The following EIF2B3 variants were observed in gnomAD, a reference collection of about 807,000 sequenced individuals.
EIF2B3 encodes eukaryotic translation initiation factor 2B subunit gamma.
In EIF2B3, 20 loss-of-function variants were observed where a neutral mutation model predicts 54.1. That is an observed-to-expected ratio of 0.37 (90% CI 0.26 to 0.54). The LOEUF (loss-of-function observed/expected upper bound fraction) is 0.54, where lower values mean the gene tolerates loss of function less well. Ranked by LOEUF, EIF2B3 falls within the 20% of genes least tolerant of loss-of-function variation. The pLI, the probability that EIF2B3 is intolerant of heterozygous loss-of-function variation, is 0.86. For synonymous variants in EIF2B3, 153 were observed against 188.1 expected, an observed-to-expected ratio of 0.81 and a Z score of 1.52; for missense variants, 448 against 547.8, an observed-to-expected ratio of 0.82 and a Z score of 1.82.
At chr1:44,983,951 A>C (rs1644541654) in intron 1 of EIF2B3, among the ~76,000 whole-genome samples, 2 of 151,806 alleles carry the variant, frequency 1.3e-5, no homozygotes, top group Non-Finnish European at 2.9e-5. Context: ...TAGGTGATCC[A>C]CCTGCCTTGG....
chr1:44,863,000 T>C (rs1654660619), intron 10 of EIF2B3: 1 of 152,228 alleles, frequency 6.6e-6, no homozygotes, highest in Non-Finnish European at 1.5e-5. Context: ...TTAGGCAATG[T>C]GCACAGGCCT....
Position 44,857,816 on chromosome 1 carries a change from C to T in EIF2B3, c.1203-9G>A, listed in dbSNP as rs563359395. The T allele has an allele frequency of 4.6e-5, 75 of 1,613,744 alleles. No individual in the cohort carries two copies. The highest frequency in any genetic ancestry group is 1.7e-4 in the Middle Eastern group (1 of 6,056). ...TGCCTTGGATATTGCTTCTGTAACA[C>T]AGTAGCCAAGTTAGGGAGGACCCAA... On this transcript the variant is annotated splice_polypyrimidine_tract_variant and intron_variant, in intron 10 of 11. Coordinates refer to ENST00000360403, the MANE Select transcript of EIF2B3 (RefSeq NM_020365.5).
At chr1:44,941,758 C>G in intron 3 of EIF2B3, 93 bp from the exon 4 acceptor site, 1 of 1,389,378 alleles carries the variant, frequency 7.2e-7, no homozygotes, top group Non-Finnish European at 1.0e-6. Flanking sequence ...TAAAACCACA[C>G]AAATCAGACA....
intron 5 of EIF2B3, among the ~76,000 whole-genome samples, chr1:44,900,938 A>G (rs1460517577): frequency 6.6e-6 from 1 of 151,912 alleles, no homozygotes; most frequent in Non-Finnish European, 1.5e-5. Flanking sequence ...TTGAGTTGGA[A>G]GAGTTCTTAT....
At chr1:44,852,115 ATTTTT>A (rs34314171) in intron 11 of EIF2B3, among the ~76,000 whole-genome samples, 3 of 133,278 alleles carry the variant, frequency 2.3e-5, no homozygotes, top group Admixed American at 7.5e-5. Context: ...CACATGGCTA[ATTTTT>A]TTTTTTTTTT....
At chr1:44,865,796 T>C (rs935085104) in intron 10 of EIF2B3, among the ~76,000 whole-genome samples, 4 of 152,042 alleles carry the variant, frequency 2.6e-5, no homozygotes, top group Non-Finnish European at 4.4e-5. Context: ...CTCGAACTCC[T>C]GACTCAGGTG....
chr1:44,859,172 A>G (rs1654534197), intron 10 of EIF2B3, among the ~76,000 whole-genome samples: 1 of 152,128 alleles, frequency 6.6e-6, no homozygotes, highest in African/African-American at 2.4e-5. Flanking sequence ...ATGGTGGTGC[A>G]TGCCTGTAGT....
intron 3 of EIF2B3, among the ~76,000 whole-genome samples, chr1:44,963,599 TGCCTAAGTTAAGA>T (rs529520887): frequency 1.0e-3 from 159 of 152,294 alleles, no homozygotes; most frequent in African/African-American, 3.5e-3. Context: ...GCACAGATGA[TGCCTAAGTTAAGA>T]GCCTAAGTAG....
chr1:44,863,683 C>T (rs1429101128), intron 10 of EIF2B3, among the ~76,000 whole-genome samples: 1 of 152,198 alleles, frequency 6.6e-6, no homozygotes, highest in Non-Finnish European at 1.5e-5. Context: ...CTTCCTTCTT[C>T]CACCAGGGTA....
At chr1:44,913,926 A>C (rs1463993663) in intron 5 of EIF2B3, among the ~76,000 whole-genome samples, 1 of 149,558 alleles carries the variant, frequency 6.7e-6, no homozygotes, top group Admixed American at 6.7e-5. Context: ...TCCCGGGTTC[A>C]AGTGATTCTG....
At chr1:44,962,731 T>C (rs1207632201) in intron 3 of EIF2B3, among the ~76,000 whole-genome samples, 1 of 152,202 alleles carries the variant, frequency 6.6e-6, no homozygotes, top group Non-Finnish European at 1.5e-5. Flanking sequence ...TGTGTGTCTA[T>C]ATTAAGGGAG....
chr1:44,917,746 AAT>A (rs1319999881), intron 5 of EIF2B3, among the ~76,000 whole-genome samples: 1 of 121,848 alleles, frequency 8.2e-6, no homozygotes, highest in Non-Finnish European at 1.8e-5. Context: ...TTTTGCCACC[AAT>A]AACACTCTTT....
At chr1:44,947,617 T>C (rs145875062) in intron 3 of EIF2B3, among the ~76,000 whole-genome samples, 1 of 152,086 alleles carries the variant, frequency 6.6e-6, no homozygotes, top group Non-Finnish European at 1.5e-5. Context: ...CGATTTCTTA[T>C]GACAAGGAGA....
At chr1:44,915,866 C>T (rs1444891441) in intron 5 of EIF2B3, among the ~76,000 whole-genome samples, 1 of 152,076 alleles carries the variant, frequency 6.6e-6, no homozygotes, top group Non-Finnish European at 1.5e-5. Context: ...AATATATCTT[C>T]ACCATTAAAG....
At chr1:44,946,455 T>TTTTTTTTTTG (rs1644103173) in intron 3 of EIF2B3, among the ~76,000 whole-genome samples, 1 of 151,678 alleles carries the variant, frequency 6.6e-6, no homozygotes, top group Non-Finnish European at 1.5e-5. Context: ...TTTTTTTTTT[T>TTTTTTTTTTG]GAGACAGGGT....
At chr1:44,902,825 TCTTTAAAAAAAA>T (rs1455882004) in intron 5 of EIF2B3, among the ~76,000 whole-genome samples, 3 of 91,446 alleles carry the variant, frequency 3.3e-5, no homozygotes, top group African/African-American at 1.5e-4. Flanking sequence ...AGAGACTCTT[TCTTTAAAAAAAA>T]AAAAAAAAAA....
At chr1:44,957,838 C>T (rs1037311164) in intron 3 of EIF2B3, among the ~76,000 whole-genome samples, 5 of 152,204 alleles carry the variant, frequency 3.3e-5, no homozygotes, top group African/African-American at 1.2e-4. Flanking sequence ...CTGGTGAGTC[C>T]ATGTGGAAAT....
Position 44,897,628 on chromosome 1 carries a change from G to C in EIF2B3, c.567-184C>G, listed in dbSNP as rs263979. Among the ~76,000 whole-genome samples the C allele has an allele frequency of 0.25, 38,246 of 151,664 alleles. 5,974 individuals are homozygous for C. Among genetic ancestry groups the C allele is most frequent in the African/African-American group, 0.45 (18,609 of 41,348 alleles). ...GCCCTGACTCTACCACATAAAAGGT[G>C]TTTTCCCTAGAAACCCTATGGCATA... is the stretch of plus-strand genomic sequence containing the variant. On this transcript the variant is annotated intron_variant, in intron 5 of 11. Transcript: ENST00000360403.
rs758627166 is a variant in EIF2B3, at chr1:44,978,425, C to T, written c.184G>A (p.Ala62Thr). 6.2e-7 allele frequency: 1 copy of T among 1,613,608 alleles called. No individual in the cohort carries two copies. Among genetic ancestry groups the T allele is most frequent in the Admixed American group, 1.7e-5 (1 of 59,966 alleles). The change falls in exon 3 of 12, where the codon GCT (alanine) becomes ACT (threonine). Residue 62 changes from alanine (A) to threonine (T), a missense_variant. This residue lies in a region of EIF2B3 where 95 missense variants were observed against 115.7 expected (regional missense o/e 0.82). Coordinates refer to ENST00000360403, the MANE Select transcript of EIF2B3 (RefSeq NM_020365.5). Reference protein sequence around the residue: ...IVVTTRDVQKALCAEFKMKMK... With the variant: ...IVVTTRDVQKTLCAEFKMKMK... ...TTCATCTTGAATTCTGCACATAGAG[C>T]CTTTTGAACATCCCTGGTTGTAACC...
Sources: allele counts gnomAD v4.1 joint callset (sites outside exome capture counted in the v4.1 genomes callset), GRCh38; gene constraint gnomAD v4.1.1; regional missense constraint gnomAD v4.1.1; transcripts MANE v1.5; gene names NCBI Gene and HGNC (gene_info 2026-07-23, HGNC 2026-07-21).